The following TTC6 variants were observed in gnomAD, a reference collection of about 807,000 sequenced individuals.
TTC6 encodes the protein tetratricopeptide repeat domain 6.
In TTC6, 172 loss-of-function variants were observed where a neutral mutation model predicts 210.4. That is an observed-to-expected ratio of 0.82 (90% CI 0.72 to 0.93). The LOEUF (loss-of-function observed/expected upper bound fraction) is 0.93, where lower values mean the gene tolerates loss of function less well. Ranked by LOEUF, TTC6 falls within the 40% of genes least tolerant of loss-of-function variation. The pLI is 0.00. For synonymous variants in TTC6, 804 were observed against 819.6 expected (o/e 0.98, Z 0.32); for missense variants, 2,414 against 2,318.1 (o/e 1.04, Z -0.85).
intron 1 of TTC6, among the ~76,000 whole-genome samples, chr14:37,651,514 T>G (rs371449763): frequency 6.8e-6 from 1 of 147,866 alleles, no homozygotes; most frequent in Non-Finnish European, 1.5e-5. Flanking sequence ...TCATAAATAT[T>G]GTCAAGTACC....
intron 1 of TTC6, among the ~76,000 whole-genome samples, chr14:37,632,138 C>T (rs562620413): frequency 6.6e-5 from 10 of 152,226 alleles, no homozygotes; most frequent in Admixed American, 4.6e-4. Context: ...ACTCATTCTC[C>T]GTCCAGTTTT....
chr14:37,690,656 C>T (rs936042122), intron 3 of TTC6, among the ~76,000 whole-genome samples: 21 of 152,048 alleles, frequency 1.4e-4, no homozygotes, highest in African/African-American at 3.4e-4. Context: ...CAATCATAAA[C>T]AGGTCAATTC....
intron 1 of TTC6, among the ~76,000 whole-genome samples, chr14:37,669,270 A>C (rs2095754007): frequency 6.6e-6 from 1 of 152,186 alleles, no homozygotes; most frequent in African/African-American, 2.4e-5. Context: ...ACCCCTTGGA[A>C]GTGCATCTGG....
chr14:37,837,275 T>C, intron 29 of TTC6: 1 of 380,906 alleles, frequency 2.6e-6, no homozygotes, highest in Non-Finnish European at 5.2e-6. Context: ...GTGTCTTCTT[T>C]ATTGATAATT....
intron 1 of TTC6, among the ~76,000 whole-genome samples, chr14:37,623,495 A>C (rs916435122): frequency 6.6e-6 from 1 of 152,204 alleles, no homozygotes; most frequent in Non-Finnish European, 1.5e-5. Flanking sequence ...AACATTTTTA[A>C]AAACTTTATT....
At chr14:37,622,395 A>G (rs1293245269) in exon 1 of TTC6, 2 of 1,533,888 alleles carry the variant, frequency 1.3e-6, no homozygotes, top group East Asian at 2.5e-5. Flanking sequence ...GGCTCCAGGC[A>G]AGACCCGGTC....
rs201122429 is a variant in TTC6, at chr14:37,747,806, G to GT, written c.2364-1132dup. 5.2e-3 allele frequency among the ~76,000 whole-genome samples: 794 copies of GT among 152,282 alleles called. 6 individuals are homozygous for GT. The highest frequency in any genetic ancestry group is 0.018 in the African/African-American group (758 of 41,562). Reference sequence around the variant, plus strand: ...GAAGACCTTTCTAAAGTGACATTTGGTCAGAAATATGAATTGAGAAGGAGC... The same window carrying GT: ...GAAGACCTTTCTAAAGTGACATTTGGTTCAGAAATATGAATTGAGAAGGAGC... On this transcript the variant is annotated intron_variant, in intron 10 of 30. Coordinates refer to ENST00000553443, the Ensembl canonical transcript of TTC6.
intron 14 of TTC6, among the ~76,000 whole-genome samples, chr14:37,757,084 G>T (rs1390610631): frequency 6.6e-6 from 1 of 152,044 alleles, no homozygotes; most frequent in Non-Finnish European, 1.5e-5. Flanking sequence ...TTGGGAGGGG[G>T]TATGTGTCCA....
At chr14:37,645,800 A>G (rs963522414) in intron 1 of TTC6, among the ~76,000 whole-genome samples, 28 of 152,202 alleles carry the variant, frequency 1.8e-4, no homozygotes, top group African/African-American at 6.5e-4. Context: ...AGCCAGATCA[A>G]CTGGGGCAGT....
chr14:37,812,469 C>T (rs746978902), intron 25 of TTC6, 36 bp downstream of exon 27: 9 of 1,525,950 alleles, frequency 5.9e-6, no homozygotes, highest in South Asian at 1.3e-5. Context: ...CTTGATTTTG[C>T]ACATTGACTT....
Position 37,667,628 on chromosome 14 carries a change from T to G in TTC6, c.940-12523T>G, listed in dbSNP as rs564305054. On this transcript the variant is annotated intron_variant, in intron 1 of 30. Coordinates refer to ENST00000553443, the Ensembl canonical transcript of TTC6. ...TATTTAAAAAACGTTAGGGTTATTT[T>G]TATTAATCTTTTCTTTTGATCTGTA... Among the ~76,000 whole-genome samples, 6 of 150,934 alleles carry G rather than the reference T, an allele frequency of 4.0e-5. No homozygotes were observed. The East Asian group carries it at 1.2e-3, about 29-fold the overall frequency.
At chr14:37,683,051 A>C in intron 3 of TTC6, 87 bp downstream of exon 5, 1 of 1,205,146 alleles carries the variant, frequency 8.3e-7, no homozygotes, top group Non-Finnish European at 1.2e-6. Context: ...GCAAGGACCA[A>C]CGTATGGGGC....
chr14:37,792,436 T>A, intron 17 of TTC6, 22 bp downstream of exon 19: 1 of 1,444,240 alleles, frequency 6.9e-7, no homozygotes, highest in Non-Finnish European at 9.0e-7. Flanking sequence ...TCGAGAACCT[T>A]GATTTTTTTA....
At chr14:37,633,957 C>T (rs746073264) in intron 1 of TTC6, among the ~76,000 whole-genome samples, 3 of 152,242 alleles carry the variant, frequency 2.0e-5, no homozygotes, top group Non-Finnish European at 2.9e-5. Context: ...TGCCTCCCTG[C>T]GCTGCCTCTT....
chr14:37,837,991 G>C (rs1595340199), intron 29 of TTC6, among the ~76,000 whole-genome samples: 1 of 152,200 alleles, frequency 6.6e-6, no homozygotes, highest in East Asian at 1.9e-4. Flanking sequence ...CATTAGGCTT[G>C]AGGACATCTG....
At chr14:37,826,393 T>C in intron 28 of TTC6, 46 bp downstream of exon 30, 1 of 1,453,512 alleles carries the variant, frequency 6.9e-7, no homozygotes, top group South Asian at 1.4e-5. Context: ...AAATTAACAC[T>C]GTCAATGAAT....
chr14:37,750,980 G>A, intron 12 of TTC6, 73 bp from the exon 15 acceptor site: 1 of 896,114 alleles, frequency 1.1e-6, no homozygotes, highest in Non-Finnish European at 1.6e-6. Context: ...TGGAGGGAGA[G>A]GGATTACTCT....
intron 6 of TTC6, among the ~76,000 whole-genome samples, chr14:37,717,589 C>T (rs574499947): frequency 6.6e-6 from 1 of 152,080 alleles, no homozygotes; most frequent in Admixed American, 6.6e-5. Context: ...AATATGTAAG[C>T]CCAGATGATT....
chr14:37,715,213 T>C (rs534299565), intron 6 of TTC6, among the ~76,000 whole-genome samples: 1 of 152,176 alleles, frequency 6.6e-6, no homozygotes, highest in East Asian at 1.9e-4. Flanking sequence ...TTATGTGAGT[T>C]ATATCTATTA....
Sources: gnomAD v4.1 joint callset for allele counts (sites outside exome capture counted in the v4.1 genomes callset) on GRCh38, gnomAD v4.1.1 for gene constraint, MANE v1.5 for transcripts, NCBI Gene and HGNC (gene_info 2026-07-23, HGNC 2026-07-21) for gene names.